The following TMEM117 variants were observed in gnomAD, a reference collection of about 807,000 sequenced individuals.
TMEM117 encodes transmembrane protein 117.
In TMEM117, 27 loss-of-function variants were observed where a neutral mutation model predicts 52.4. The observed-to-expected ratio is 0.51, with a 90% CI of 0.38 to 0.71. The LOEUF is 0.71. TMEM117 is among the 30% of genes least tolerant of loss of function. TMEM117 has a pLI of 0.00. For synonymous variants in TMEM117, 215 were observed against 206.3 expected, an observed-to-expected ratio of 1.04 and a Z score of -0.36; for missense variants, 556 against 630.5, an observed-to-expected ratio of 0.88 and a Z score of 1.26.
At chr12:44,242,563 C>G (rs1274889702) in intron 5 of TMEM117, among the ~76,000 whole-genome samples, 1 of 151,328 alleles carries the variant, frequency 6.6e-6, no homozygotes, top group East Asian at 1.9e-4. Flanking sequence ...AGGTTGATTC[C>G]ATGCCTTTGC....
In TMEM117 at chr12:44,220,592, C is replaced by A. The variant is rs185389266; in HGVS notation, c.608+9205C>A. ...TAATACCTCAGTGGTAATAAGCACA[C>A]CCCCTACCCAGATCTTGGTCTCTGA... On this transcript the variant is annotated intron_variant, in intron 5 of 7. Coordinates refer to ENST00000266534, the MANE Select transcript of TMEM117 (RefSeq NM_032256.3). Among the ~76,000 whole-genome samples the A allele has an allele frequency of 2.0e-5, 3 of 152,200 alleles. No individual in the cohort carries two copies. In the East Asian group the frequency reaches 5.8e-4, roughly 29 times the overall value.
At chr12:44,017,252 T>TGTGTGTGTGTGTGTGTGTGTGTGTGTG (rs1565793575) in intron 3 of TMEM117, among the ~76,000 whole-genome samples, 9 of 151,688 alleles carry the variant, frequency 5.9e-5, no homozygotes, top group African/African-American at 1.7e-4. Flanking sequence ...TGTGTGTGTG[T>TGTGTGTGTGTGTGTGTGTGTGTGTGTG]TTTAGGTGAT....
chr12:44,266,276 T>C (rs1354488431), intron 5 of TMEM117, among the ~76,000 whole-genome samples: 3 of 152,196 alleles, frequency 2.0e-5, no homozygotes, highest in African/African-American at 7.2e-5. Flanking sequence ...AATTGTTCTC[T>C]ATCCTCTTAA....
rs73290281 is a variant in TMEM117 at position 44,192,265 on chromosome 12, C to T, written c.511-19025C>T. 5.1e-3 allele frequency among the ~76,000 whole-genome samples: 773 copies of T among 152,258 alleles called. 6 individuals carry two copies. Among genetic ancestry groups the T allele is most frequent in the African/African-American group, 0.018 (730 of 41,556 alleles). ...CTCCCAGAACCCGAGGTCCTCTGCACGTGAGGCTTAGACATGTGATTCCTG... is the reference window on the plus strand; with the variant it reads ...CTCCCAGAACCCGAGGTCCTCTGCATGTGAGGCTTAGACATGTGATTCCTG... On this transcript the variant is annotated intron_variant, in intron 4 of 7. Coordinates refer to ENST00000266534, the MANE Select transcript of TMEM117 (RefSeq NM_032256.3).
intron 5 of TMEM117, among the ~76,000 whole-genome samples, chr12:44,215,676 G>C (rs1204016296): frequency 6.6e-6 from 1 of 151,626 alleles, no homozygotes; most frequent in African/African-American, 2.4e-5. Flanking sequence ...CAATTTGTAT[G>C]CTTTTGAAGG....
intron 2 of TMEM117, among the ~76,000 whole-genome samples, chr12:43,912,747 T>C (rs1167007906): frequency 6.6e-6 from 1 of 152,040 alleles, no homozygotes; most frequent in African/African-American, 2.4e-5. Context: ...CCATGTGATT[T>C]TCAATTAATA....
the TMEM117 span, chr12:43,800,428 A>G: frequency 6.2e-7 from 1 of 1,605,880 alleles, no homozygotes; most frequent in South Asian, 1.1e-5. Context: ...ACATACAAAC[A>G]TAATACCTTT....
intron 2 of TMEM117, 109 bp downstream of exon 2, chr12:43,845,037 T>A: frequency 7.8e-7 from 1 of 1,279,608 alleles, no homozygotes; most frequent in Non-Finnish European, 1.1e-6. Context: ...TTTTAGTTTG[T>A]CCTCCTGCCT....
At chr12:43,970,416 G>A (rs1945562913) in intron 3 of TMEM117, among the ~76,000 whole-genome samples, 1 of 152,000 alleles carries the variant, frequency 6.6e-6, no homozygotes, top group African/African-American at 2.4e-5. Flanking sequence ...AGCCTCCTGA[G>A]TAGCTGGGAC....
chr12:43,862,443 C>T (rs751332360), intron 2 of TMEM117, among the ~76,000 whole-genome samples: 8 of 152,298 alleles, frequency 5.3e-5, no homozygotes, highest in Non-Finnish European at 5.9e-5. Context: ...AGGCGTGAGC[C>T]GCTGCACCCA....
intron 4 of TMEM117, among the ~76,000 whole-genome samples, chr12:44,172,173 C>A (rs1949055620): frequency 6.6e-6 from 1 of 152,164 alleles, no homozygotes; most frequent in Admixed American, 6.5e-5. Context: ...ATTGCACATT[C>A]TGTTATTTAC....
downstream of TMEM117, among the ~76,000 whole-genome samples, chr12:44,390,502 G>A (rs562472299): frequency 6.6e-5 from 10 of 152,054 alleles, no homozygotes; most frequent in African/African-American, 2.2e-4. Context: ...AATATTATTT[G>A]AGAATTTTTA....
At chr12:44,256,514 A>G (rs1950262065) in intron 5 of TMEM117, among the ~76,000 whole-genome samples, 1 of 152,072 alleles carries the variant, frequency 6.6e-6, no homozygotes, top group South Asian at 2.1e-4. Context: ...TAAATAATAC[A>G]TGGATATTTC....
chr12:44,007,229 T>A (rs1415602561), intron 3 of TMEM117, among the ~76,000 whole-genome samples: 1 of 152,186 alleles, frequency 6.6e-6, no homozygotes, highest in Non-Finnish European at 1.5e-5. Flanking sequence ...TTGAACAGAT[T>A]GTCAGATTAA....
At chr12:44,173,107 A>T in intron 4 of TMEM117, among the ~76,000 whole-genome samples, 1 of 149,382 alleles carries the variant, frequency 6.7e-6, no homozygotes, top group African/African-American at 2.5e-5. Flanking sequence ...ATGAGGTCTT[A>T]CTCTGTCACC....
intron 2 of TMEM117, among the ~76,000 whole-genome samples, chr12:43,887,220 A>G (rs1279119706): frequency 6.6e-6 from 1 of 152,200 alleles, no homozygotes; most frequent in African/African-American, 2.4e-5. Context: ...AGCAAGAAGC[A>G]GAAGTACTGC....
At chr12:44,023,154 T>C (rs1221584405) in intron 3 of TMEM117, among the ~76,000 whole-genome samples, 1 of 152,194 alleles carries the variant, frequency 6.6e-6, no homozygotes, top group Admixed American at 6.5e-5. Flanking sequence ...AGACATGAAC[T>C]CTTCATTTTT....
chr12:43,939,491 C>A, intron 2 of TMEM117, among the ~76,000 whole-genome samples: 1 of 152,304 alleles, frequency 6.6e-6, no homozygotes, highest in Non-Finnish European at 1.5e-5. Context: ...TAATATTTCA[C>A]ATCACCTTTT....
At chr12:44,090,643 C>G (rs990029476) in intron 3 of TMEM117, among the ~76,000 whole-genome samples, 12 of 151,412 alleles carry the variant, frequency 7.9e-5, no homozygotes, top group Non-Finnish European at 1.3e-4. Flanking sequence ...CACCATGTTG[C>G]TCAGGCTGGT....
Sources: allele counts gnomAD v4.1 joint callset (sites outside exome capture counted in the v4.1 genomes callset), GRCh38; gene constraint gnomAD v4.1.1; transcripts MANE v1.5; gene names NCBI Gene and HGNC (gene_info 2026-07-23, HGNC 2026-07-21).